The following CTCFL variants were observed in gnomAD, a reference collection of about 807,000 sequenced individuals.
The protein encoded by CTCFL is CCCTC-binding factor like.
A neutral mutation model predicts 67.4 loss-of-function variants in CTCFL; 36 were observed. That is an observed-to-expected ratio of 0.53 (90% CI 0.41 to 0.71). CTCFL has a LOEUF of 0.71. CTCFL is among the 30% of genes least tolerant of loss of function. The pLI, the probability that CTCFL is intolerant of heterozygous loss-of-function variation, is 0.00. For missense variants in CTCFL, 786 were observed against 835.2 expected (o/e 0.94, Z 0.73); for synonymous variants, 324 against 302.3 (o/e 1.07, Z -0.75).
At position 57,516,505 on chromosome 20, in the gene CTCFL, C is replaced by A. The variant is rs989722216; in HGVS notation, c.1060-671G>T. Among the ~76,000 whole-genome samples, 4 of 152,160 alleles carry A rather than the reference C, an allele frequency of 2.6e-5. No homozygotes were observed. In the East Asian group the frequency reaches 7.7e-4, roughly 29 times the overall value. On this transcript the variant is annotated intron_variant, in intron 5 of 10. Transcript: ENST00000243914. ...AGAGCCAAGATCACACCACTGCACT[C>A]CAACCAGGGTAACAGAGTCAGACCA...
chr20:57,498,402 C>A lies in CTCFL; in HGVS notation c.*148G>T. The A allele has an allele frequency of 7.0e-7, 1 of 1,418,728 alleles. No homozygotes were observed. Among genetic ancestry groups the A allele is most frequent in the Non-Finnish European group, 9.2e-7 (1 of 1,082,136 alleles). 87.9% of individuals were successfully genotyped at this position (1,418,728 alleles called of 1,614,324 possible). ...CAAAGAAAATGCTAAAAATTTCTAA[C>A]TTGCTTTAGGAATTAGGGGCAGTGA... On this transcript the variant is annotated 3_prime_UTR_variant, in exon 11 of 11. Transcript: ENST00000243914.
chr20:57,518,736 T>G (rs1165575410), intron 5 of CTCFL, 22 bp downstream of exon 5: 19 of 1,613,992 alleles, frequency 1.2e-5, no homozygotes, highest in Non-Finnish European at 1.6e-5. Flanking sequence ...CCATGAAGCT[T>G]CAAGTCCAAG....
At chr20:57,519,170 C>A (rs2069152232) in intron 4 of CTCFL, 37 bp downstream of exon 4, 1 of 1,602,410 alleles carries the variant, frequency 6.2e-7, no homozygotes, top group Non-Finnish European at 8.5e-7. Context: ...CCTTAACACA[C>A]ATCATTCCAG....
Position 57,508,022 on chromosome 20 carries a change from A to G in CTCFL, c.1674+584T>C, listed in dbSNP as rs182642813. On this transcript the variant is annotated intron_variant, in intron 9 of 10. Coordinates refer to ENST00000243914, the MANE Select transcript of CTCFL (RefSeq NM_001386993.1). ...CAGTGGTGCGATCGTGACTCACTGT[A>G]GCCTCCAACTCCTGGGCTCAAGTGG... The G allele has an allele frequency of 1.1e-3, 682 of 613,506 alleles. 4 individuals carry two copies. Among genetic ancestry groups the G allele is most frequent in the Non-Finnish European group, 1.6e-3 (556 of 345,020 alleles). 38.0% of individuals were successfully genotyped at this position (613,506 alleles called of 1,614,324 possible). A position where few individuals can be genotyped will look rare whatever the true frequency, so the allele number is the denominator to read the frequency against.
intron 10 of CTCFL, among the ~76,000 whole-genome samples, chr20:57,502,545 T>TG (rs60204952): frequency 0.11 from 16,939 of 151,966 alleles, 2,885 homozygotes; most frequent in African/African-American, 0.37. Context: ...AATGAGAACG[T>TG]GGGGTATTTG....
rs1278337475 is a variant in CTCFL, at chr20:57,498,634, G to A, written c.1908C>T (p.Ala636=). The A allele has an allele frequency of 6.2e-7, 1 of 1,614,022 alleles. No individual in the cohort carries two copies. The highest frequency in any genetic ancestry group is 1.3e-5 in the African/African-American group (1 of 74,906). ...TGACTCTGGCTGTGGTTTCTCTGCA[G>A]GCGACAGGAAACATCTCTCCTGGGA... The part of the protein sequence containing the change: ...EQFPGEMFPV[A]CRETTARVKE... Residue 636 remains alanine (A), a synonymous_variant, in exon 11 of 11, where the codon GCC becomes GCT. Coordinates refer to ENST00000243914, the MANE Select transcript of CTCFL (RefSeq NM_001386993.1).
intron 3 of CTCFL, among the ~76,000 whole-genome samples, chr20:57,520,475 T>C (rs1027734785): frequency 1.3e-5 from 2 of 152,126 alleles, no homozygotes; most frequent in African/African-American, 4.8e-5. Flanking sequence ...CACAAGCAAC[T>C]TTTTCAGGAC....
intron 8 of CTCFL, among the ~76,000 whole-genome samples, chr20:57,512,382 T>A (rs2068620111): frequency 6.6e-6 from 1 of 152,250 alleles, no homozygotes; most frequent in South Asian, 2.1e-4. Flanking sequence ...GGGGCCCTAG[T>A]TGGTCACAGG....
Position 57,523,084 on chromosome 20 carries a change from A to G in CTCFL, c.738T>C (p.Asn246=), listed in dbSNP as rs766726138. The change falls in exon 3 of 11, where the codon AAT becomes AAC. Residue 246 remains asparagine (N), a synonymous_variant. Transcript: ENST00000243914. The part of the protein sequence containing the change: ...ADAEKAKSTK[N]QRKTKGAKGT... ...CTGGCCTACCCTTTGTCTTTCTTTG[A>G]TTTTTTGTAGATTTGGCCTTTTCAG... 1.2e-6 allele frequency: 2 copies of G among 1,613,468 alleles called. No homozygotes were observed. Among genetic ancestry groups the G allele is most frequent in the East Asian group, 2.2e-5 (1 of 44,864 alleles).
chr20:57,501,656 C>T (rs977526175), intron 10 of CTCFL, among the ~76,000 whole-genome samples: 10 of 152,234 alleles, frequency 6.6e-5, no homozygotes, highest in African/African-American at 2.2e-4. Context: ...CCTGCGGGGC[C>T]GGATGGAGAA....
intron 10 of CTCFL, chr20:57,500,288 C>T: frequency 2.6e-6 from 2 of 781,222 alleles, no homozygotes; most frequent in Non-Finnish European, 1.8e-6. Context: ...CCCATCTCTA[C>T]TAAAAATAAT....
In CTCFL at chr20:57,503,600, A is replaced by C; in HGVS notation, c.1676T>G (p.Ile559Ser). 6.2e-7 allele frequency: 1 copy of C among 1,614,012 alleles called. No individual in the cohort carries two copies. Among genetic ancestry groups the C allele is most frequent in the Non-Finnish European group, 8.5e-7 (1 of 1,179,976 alleles). ...SKCGKGFSRW[I>S]NLHRHSEKCG... ...CTTCTCCGAATGTCTGTGCAGGTTA[A>C]TCTGTCGGAGAATTGACACAGAACA... Residue 559 changes from isoleucine (I) to serine (S), a missense_variant and splice_region_variant, in exon 10 of 11, where the codon ATT becomes AGT. By Grantham distance (142) the Ile-to-Ser change is moderately radical. Around this residue, in one of 3 missense-constraint regions of CTCFL, gnomAD observed 199 missense variants for 196.7 expected, o/e 1.01. Coordinates refer to ENST00000243914, the MANE Select transcript of CTCFL (RefSeq NM_001386993.1).
intron 9 of CTCFL, chr20:57,507,699 G>A: frequency 1.4e-6 from 1 of 703,016 alleles, no homozygotes; most frequent in Non-Finnish European, 2.6e-6. Context: ...TTCGGATGAT[G>A]CAGCCCTGGC....
Position 57,525,115 on chromosome 20 carries a change from GGCC to G in CTCFL, c.-102_-100del, listed in dbSNP as rs2069779679. 6.6e-6 allele frequency: 1 copy of G among 152,102 alleles called. No individual in the cohort carries two copies. The highest frequency in any genetic ancestry group is 3.4e-3 in the Middle Eastern group (1 of 298). 9.4% of individuals were successfully genotyped at this position (152,102 alleles called of 1,614,324 possible). A position where few individuals can be genotyped will look rare whatever the true frequency, so the allele number is the denominator to read the frequency against. On this transcript the variant is annotated 5_prime_UTR_variant, in exon 1 of 11. Coordinates refer to ENST00000243914, the MANE Select transcript of CTCFL (RefSeq NM_001386993.1). ...GCACCGCGTGCTGCAGCCCACAGCC[GGCC>G]GCCGCCGGGCTGGCGCGAGAGTGGA...
intron 9 of CTCFL, chr20:57,507,930 T>G (rs2068306344): frequency 1.5e-6 from 1 of 672,610 alleles, no homozygotes; most frequent in Non-Finnish European, 2.7e-6. Context: ...ACAGCACTAT[T>G]CTTTTTTTTT....
chr20:57,524,410 T>A, intron 1 of CTCFL, 194 bp from the exon 2 acceptor site: 1 of 1,418,786 alleles, frequency 7.0e-7, no homozygotes, highest in South Asian at 1.5e-5. Flanking sequence ...TAAGCAGGAT[T>A]TAGGCTAAAG....
Position 57,519,477 on chromosome 20 carries a change from C to T in CTCFL, c.755-100G>A. ...ATCGTCCTTTCAACTAACGTGGGAA[C>T]TGAACAATAGCACATGCTATTTATA... is the stretch of plus-strand genomic sequence containing the variant. On this transcript the variant is annotated intron_variant, in intron 3 of 10. Coordinates refer to ENST00000243914, the MANE Select transcript of CTCFL (RefSeq NM_001386993.1). 3.0e-6 allele frequency: 3 copies of T among 1,000,356 alleles called. No homozygotes were observed. The Admixed American group carries it at 5.7e-5, about 19-fold the overall frequency. 62.0% of individuals were successfully genotyped at this position (1,000,356 alleles called of 1,614,324 possible). A position where few individuals can be genotyped will look rare whatever the true frequency, so the allele number is the denominator to read the frequency against.
downstream of CTCFL, among the ~76,000 whole-genome samples, chr20:57,496,571 A>AGTTTT (rs1485347889): frequency 6.6e-6 from 1 of 152,184 alleles, no homozygotes; most frequent in African/African-American, 2.4e-5. Context: ...CATCCCAAAT[A>AGTTTT]AACTGTGTCC....
chr20:57,503,371 A>G (rs1200617598), intron 10 of CTCFL, 65 bp downstream of exon 10: 3 of 1,583,376 alleles, frequency 1.9e-6, no homozygotes, highest in Non-Finnish European at 2.6e-6. Flanking sequence ...AACACTCGGC[A>G]CCCAGGATAG....
Sources: gnomAD v4.1 joint callset for allele counts (sites outside exome capture counted in the v4.1 genomes callset) on GRCh38, gnomAD v4.1.1 for gene constraint, gnomAD v4.1.1 regional missense constraint, MANE v1.5 for transcripts, NCBI Gene and HGNC (gene_info 2026-07-23, HGNC 2026-07-21) for gene names.